Variants in CNOT1 observed in about 807,000 individuals in gnomAD.
CNOT1 encodes CCR4-associated factor 1.
In CNOT1, 15 loss-of-function variants were observed where a neutral mutation model predicts 273.8. The observed-to-expected ratio is 0.05, with a 90% confidence interval of 0.04 to 0.08. The LOEUF (loss-of-function observed/expected upper bound fraction) is 0.08. Among genes scored for constraint, CNOT1 ranks in the 10% least tolerant of loss-of-function variants. The probability of loss-of-function intolerance (pLI) is 1.00; values close to 1 mark genes in which losing one functional copy is unlikely to be tolerated. For synonymous variants in CNOT1, 1,022 were observed against 1,005.5 expected (o/e 1.02, Z -0.31); for missense variants, 1,644 against 2,912.2 (o/e 0.56, Z 10.02).
chr16:58,594,263 C>CA (rs907780852), intron 2 of CNOT1, among the ~76,000 whole-genome samples: 2 of 150,646 alleles, frequency 1.3e-5, no homozygotes, highest in African/African-American at 2.5e-5. Context: ...AAAACAAAAA[C>CA]AAAAAACAAA....
At chr16:58,539,294 G>A (rs2151912831) in intron 35 of CNOT1, among the ~76,000 whole-genome samples, 1 of 152,122 alleles carries the variant, frequency 6.6e-6, no homozygotes, top group South Asian at 2.1e-4. Context: ...AGGAGATTGA[G>A]AACGACCTGG....
At position 58,599,344 on chromosome 16, in the gene CNOT1, T is replaced by C; in HGVS notation, c.-7A>G. 1.2e-6 allele frequency: 2 copies of C among 1,614,146 alleles called. No homozygotes were observed. Among genetic ancestry groups the C allele is most frequent in the Non-Finnish European group, 1.7e-6 (2 of 1,180,020 alleles). On this transcript the variant is annotated 5_prime_UTR_variant, in exon 2 of 49. Transcript: ENST00000317147. The stretch of plus-strand genomic sequence containing the variant: ...AGAGCGAGTCAAGATTCATTGCTGG[T>C]TGGGGCGGAAGCAGGCGGCCGAGCC...
chr16:58,553,927 G>C, intron 21 of CNOT1, 67 bp from the exon 22 acceptor site: 1 of 1,506,148 alleles, frequency 6.6e-7, no homozygotes, highest in Non-Finnish European at 8.8e-7. Flanking sequence ...AAATGTTTTT[G>C]TCCAAATGCT....
intron 4 of CNOT1, 31 bp downstream of exon 4, chr16:58,587,749 T>A (rs765312716): frequency 1.9e-6 from 3 of 1,605,548 alleles, no homozygotes; most frequent in Non-Finnish European, 2.6e-6. Flanking sequence ...TAAGGAGAGA[T>A]CACACTCTTA....
rs770381189 is a variant in CNOT1, at chr16:58,524,165, G to A, written c.6785-663C>T. ...CTCGGGAGGCTGAGGCAGGAGAATC[G>A]CTTGAACCCCTGAGGCGGAAGTTAT... On this transcript the variant is annotated intron_variant, in intron 46 of 48. Coordinates refer to ENST00000317147, the MANE Select transcript of CNOT1 (RefSeq NM_016284.5). 9.8e-4 allele frequency among the ~76,000 whole-genome samples: 145 copies of A among 148,546 alleles called. 2 individuals are homozygous for A. Among genetic ancestry groups the A allele is most frequent in the Non-Finnish European group, 1.3e-3 (86 of 67,722 alleles).
chr16:58,545,582 A>G, intron 29 of CNOT1, 91 bp from the exon 30 acceptor site: 1 of 1,541,248 alleles, frequency 6.5e-7, no homozygotes, highest in Non-Finnish European at 8.7e-7. Context: ...GTCATTATCT[A>G]ATTAAACGAA....
chr16:58,554,935 C>CAAAAGAAAAAAAA (rs774456750), intron 21 of CNOT1, among the ~76,000 whole-genome samples: 1 of 78,902 alleles, frequency 1.3e-5, no homozygotes, highest in African/African-American at 5.0e-5. Context: ...GACTCCATCT[C>CAAAAGAAAAAAAA]AAAAAAAAAA....
intron 39 of CNOT1, 116 bp downstream of exon 39, chr16:58,536,873 G>T: frequency 6.9e-7 from 1 of 1,443,228 alleles, no homozygotes; most frequent in Non-Finnish European, 9.2e-7. Context: ...GTTTGGGTTT[G>T]CATGAGTATG....
At chr16:58,604,576 G>A (rs956178221) in intron 1 of CNOT1, among the ~76,000 whole-genome samples, 1 of 146,082 alleles carries the variant, frequency 6.8e-6, no homozygotes, top group Non-Finnish European at 1.5e-5. Context: ...GAGGTCGGGA[G>A]TTGGAGACCA....
chr16:58,551,468 G>T, intron 23 of CNOT1, 121 bp downstream of exon 23: 1 of 1,262,816 alleles, frequency 7.9e-7, no homozygotes, highest in South Asian at 1.4e-5. Flanking sequence ...AGGAAGACAT[G>T]TCAGTCTTTT....
At chr16:58,593,269 CA>C (rs1378527949) in intron 2 of CNOT1, among the ~76,000 whole-genome samples, 1 of 151,958 alleles carries the variant, frequency 6.6e-6, no homozygotes, top group Non-Finnish European at 1.5e-5. Context: ...ACTAAAAATA[CA>C]AAAAATTGGC....
chr16:58,560,893 C>T (rs747275440), intron 16 of CNOT1, among the ~76,000 whole-genome samples: 3 of 152,000 alleles, frequency 2.0e-5, no homozygotes, highest in African/African-American at 4.8e-5. Context: ...GGCATGGTGG[C>T]GCATGCCTGT....
intron 1 of CNOT1, among the ~76,000 whole-genome samples, chr16:58,607,721 C>CAAAAAAAAAAA (rs71385179): frequency 3.9e-4 from 26 of 67,100 alleles, no homozygotes; most frequent in Non-Finnish European, 5.3e-4. Context: ...CAGCAAAACT[C>CAAAAAAAAAAA]AAAAAAAAAA....
At chr16:58,622,129 G>A (rs942780160) in intron 1 of CNOT1, among the ~76,000 whole-genome samples, 5 of 151,298 alleles carry the variant, frequency 3.3e-5, no homozygotes, top group Admixed American at 6.6e-5. Context: ...TGGCTAACAC[G>A]GTGAAACCCC....
At chr16:58,599,159 C>T in intron 2 of CNOT1, 77 bp downstream of exon 2, 1 of 1,591,468 alleles carries the variant, frequency 6.3e-7, no homozygotes, top group Non-Finnish European at 8.6e-7. Context: ...TGCAACATGC[C>T]CACATAAATG....
chr16:58,521,403 C>A, intron 47 of CNOT1, 86 bp from the exon 48 acceptor site: 1 of 1,385,156 alleles, frequency 7.2e-7, no homozygotes, highest in South Asian at 1.4e-5. Flanking sequence ...CTAACTTCTC[C>A]CTGACTATTG....
intron 1 of CNOT1, among the ~76,000 whole-genome samples, chr16:58,613,963 G>A (rs2042989809): frequency 8.4e-6 from 1 of 119,186 alleles, no homozygotes; most frequent in Non-Finnish European, 2.0e-5. Flanking sequence ...GTGGTGGCGG[G>A]CACCTGTAGT....
intron 16 of CNOT1, among the ~76,000 whole-genome samples, chr16:58,570,322 G>A (rs1434974972): frequency 6.6e-6 from 1 of 152,118 alleles, no homozygotes; most frequent in Non-Finnish European, 1.5e-5. Context: ...TAAATACAAA[G>A]GACAGTATAA....
At chr16:58,568,371 G>GA (rs745327607) in intron 16 of CNOT1, among the ~76,000 whole-genome samples, 36,941 of 134,486 alleles carry the variant, frequency 0.27, 5,844 homozygotes, top group Middle Eastern at 0.4. Flanking sequence ...TCCATCTCAA[G>GA]AAAAAAAAAA....
Sources: allele counts gnomAD v4.1 joint callset (sites outside exome capture counted in the v4.1 genomes callset), GRCh38; gene constraint gnomAD v4.1.1; transcripts MANE v1.5; gene names NCBI Gene and HGNC (gene_info 2026-07-23, HGNC 2026-07-21).